Variants in SPEG observed in about 807,000 individuals in gnomAD.
SPEG encodes the protein striated muscle enriched protein kinase, also known as striated muscle preferentially expressed protein kinase.
Under a neutral mutation model 300.4 loss-of-function variants are expected in SPEG, and 114 were observed. The observed-to-expected ratio is 0.38, with a 90% CI of 0.33 to 0.44. The LOEUF (loss-of-function observed/expected upper bound fraction) is 0.44. Ranked by LOEUF, SPEG falls within the 20% of genes least tolerant of loss-of-function variation. SPEG has a pLI of 1.00. For synonymous variants in SPEG, 1,964 were observed against 2,018.9 expected (o/e 0.97, Z 0.73); for missense variants, 4,201 against 4,586.2 (o/e 0.92, Z 2.43).
chr2:219,478,473 T>C (rs996688297), intron 22 of SPEG, among the ~76,000 whole-genome samples: 2 of 152,274 alleles, frequency 1.3e-5, no homozygotes, highest in African/African-American at 4.8e-5. Context: ...ACATGGCCTA[T>C]GCTTTTCATC....
chr2:219,484,264 G>A lies in SPEG; in HGVS notation c.6801G>A (p.Ala2267=), dbSNP rs1693161104. 2.5e-6 allele frequency: 4 copies of A among 1,609,394 alleles called. No homozygotes were observed. Among genetic ancestry groups the A allele is most frequent in the Admixed American group, 1.7e-5 (1 of 59,944 alleles). The change falls in exon 30 of 41, where the codon GCG becomes GCA. Residue 2267 remains alanine (A), a synonymous_variant. Transcript: ENST00000312358. ...AGGGCCCCTCGCAGGGCCCTGCCGCGCCGCCTTCAGAGCCCAAGCCCCACG... is the reference window on the plus strand; with the variant it reads ...AGGGCCCCTCGCAGGGCCCTGCCGCACCGCCTTCAGAGCCCAAGCCCCACG... ...HAQGPSQGPA[A]PPSEPKPHAA...
intron 36 of SPEG, 116 bp from the exon 37 acceptor site, chr2:219,490,293 C>T (rs986816028): frequency 1.8e-5 from 25 of 1,412,200 alleles, no homozygotes; most frequent in Admixed American, 4.1e-5. Flanking sequence ...GGAGCCCACA[C>T]TGGAACCACT....
rs761394090 is a variant in SPEG, at chr2:219,484,984, G to A, written c.7521G>A (p.Pro2507=). The change falls in exon 30 of 41, where the codon CCG becomes CCA. Residue 2507 remains proline (P), a synonymous_variant. Transcript: ENST00000312358. ...AGAGTCTGCGGCGCCTTGGCCTTCC[G>A]CACAACCAGTTGGCCGCCCAGGCCG... ...EGESLRRLGL[P]HNQLAAQAGA... 6.5e-7 allele frequency: 1 copy of A among 1,530,888 alleles called. No homozygotes were observed. The highest frequency in any genetic ancestry group is 1.2e-5 in the South Asian group (1 of 83,798). 94.8% of individuals were successfully genotyped at this position (1,530,888 alleles called of 1,614,324 possible).
intron 38 of SPEG, 142 bp downstream of exon 38, chr2:219,491,098 A>G (rs1693930805): frequency 1.5e-6 from 1 of 670,674 alleles, no homozygotes; most frequent in East Asian, 2.7e-5. Flanking sequence ...ATGTGGATTG[A>G]TCTTTACAAT....
chr2:219,488,352 TG>T, intron 32 of SPEG, 42 bp downstream of exon 32: 1 of 1,551,412 alleles, frequency 6.4e-7, no homozygotes, highest in Non-Finnish European at 8.8e-7. Context: ...GGCCAGCAAG[TG>T]GCCCTGAGCC....
At chr2:219,457,846 G>A (rs1257603002) in intron 6 of SPEG, among the ~76,000 whole-genome samples, 4 of 152,270 alleles carry the variant, frequency 2.6e-5, no homozygotes, top group East Asian at 1.9e-4. Context: ...AAACTTTTCC[G>A]CATGCACTTT....
In SPEG at chr2:219,480,190, C is replaced by T. The variant is rs759797526; in HGVS notation, c.5342+50C>T. On this transcript the variant is annotated intron_variant, in intron 25 of 40. Coordinates refer to ENST00000312358, the MANE Select transcript of SPEG (RefSeq NM_005876.5). The surrounding 1 kb of genome is among the most constrained non-coding windows in gnomAD (Gnocchi z 5.3). ...CCGACCAGGGCAGCTGCCCTTGGGG[C>T]TGTGCTGGGGACGCGCTCACTGGCA... The T allele has an allele frequency of 5.0e-6, 8 of 1,590,344 alleles. No individual in the cohort carries two copies. Among genetic ancestry groups the T allele is most frequent in the Non-Finnish European group, 6.9e-6 (8 of 1,161,938 alleles).
At position 219,464,411 on chromosome 2, in the gene SPEG, T is replaced by G; in HGVS notation, c.2706-22T>G. 2 of 1,600,360 alleles carry G rather than the reference T, an allele frequency of 1.2e-6. No individual in the cohort carries two copies. The highest frequency in any genetic ancestry group is 1.7e-6 in the Non-Finnish European group (2 of 1,176,276). ...ACATCAGGCCCCTGGGCCCTGGGAC[T>G]GAGTTCTTGCCCCTCTGACAGGCTG... On this transcript the variant is annotated intron_variant, in intron 8 of 40. Transcript: ENST00000312358. This position sits in a 1 kb window ranked among gnomAD's most constrained non-coding sequence, Gnocchi z 4.5.
At chr2:219,460,516 C>T (rs1363130469) in intron 6 of SPEG, 11 of 985,308 alleles carry the variant, frequency 1.1e-5, no homozygotes, top group South Asian at 4.7e-5. Flanking sequence ...CTGTCTTGCT[C>T]GGGGACGGAG....
rs1689040672 is a variant in SPEG at position 219,443,039 on chromosome 2, G to A, written c.389-1614G>A. The A allele has an allele frequency of 1.5e-6, 2 of 1,315,294 alleles. No individual in the cohort carries two copies. The highest frequency in any genetic ancestry group is 1.1e-6 in the Non-Finnish European group (1 of 926,680). The allele number at this position is 1,315,294 out of a possible 1,614,324, so 81.5% of individuals were successfully genotyped here. ...GTTTCTGCTTGATGTTGCAGGTCTGGATGGGAGGCACAGGGACCTTAGGAA... is the reference window on the plus strand; with the variant it reads ...GTTTCTGCTTGATGTTGCAGGTCTGAATGGGAGGCACAGGGACCTTAGGAA... On this transcript the variant is annotated intron_variant, in intron 1 of 40. Transcript: ENST00000312358. The surrounding 1 kb of genome is among the most constrained non-coding windows in gnomAD (Gnocchi z 4.6).
At chr2:219,441,959 T>TCCCCAGCTCGCC (rs1435940005) in intron 1 of SPEG, 4 of 302,298 alleles carry the variant, frequency 1.3e-5, no homozygotes, top group Non-Finnish European at 2.3e-5. Context: ...TCCCGCCCGC[T>TCCCCAGCTCGCC]CCCCAGCTCG....
At position 219,480,644 on chromosome 2, in the gene SPEG, T is replaced by C; in HGVS notation, c.5343-27T>C. On this transcript the variant is annotated intron_variant, in intron 25 of 40. Coordinates refer to ENST00000312358, the MANE Select transcript of SPEG (RefSeq NM_005876.5). This position sits in a 1 kb window ranked among gnomAD's most constrained non-coding sequence, Gnocchi z 5.3. ...TTCCAGTCAGAGAGGGGCGGTCCTC[T>C]TACCTATCACTCTCCTTTTCCCACA... 1 of 1,613,552 alleles carries C rather than the reference T, an allele frequency of 6.2e-7. No homozygotes were observed. Among genetic ancestry groups the C allele is most frequent in the East Asian group, 2.2e-5 (1 of 44,864 alleles).
At position 219,469,374 on chromosome 2, in the gene SPEG, C is replaced by T; in HGVS notation, c.3710C>T (p.Thr1237Ile). The change falls in exon 13 of 41, where the codon ACA becomes ATA. Residue 1237 changes from threonine to isoleucine, a missense_variant. By Grantham distance (89) the Thr-to-Ile change is moderately conservative. Transcript: ENST00000312358. ...RIQSSDDRRM[T>I]QYRDVHRLVF... ...CAGAGCAGCGACGACCGGCGCATGACACAGTGTACGTGTCTGGGAAGTTCC... is the reference window on the plus strand; with the variant it reads ...CAGAGCAGCGACGACCGGCGCATGATACAGTGTACGTGTCTGGGAAGTTCC... 1 of 1,612,954 alleles carries T rather than the reference C, an allele frequency of 6.2e-7. No homozygotes were observed. Among genetic ancestry groups the T allele is most frequent in the Non-Finnish European group, 8.5e-7 (1 of 1,179,504 alleles).
At chr2:219,482,467 A>G in intron 28 of SPEG, 1 of 326,678 alleles carries the variant, frequency 3.1e-6, no homozygotes, top group Non-Finnish European at 5.7e-6. Flanking sequence ...GCCTAAGATC[A>G]CAGGCCTCCC....
Position 219,484,336 on chromosome 2 carries a change from G to C in SPEG, c.6873G>C (p.Glu2291Asp). The change falls in exon 30 of 41, where the codon GAG (glutamate) becomes GAC (aspartate). Residue 2291 changes from glutamate to aspartate, a missense_variant. Around this residue, in one of 4 missense-constraint regions of SPEG, gnomAD observed 1,578 missense variants for 1,506.0 expected, o/e 1.05. Coordinates refer to ENST00000312358, the MANE Select transcript of SPEG (RefSeq NM_005876.5). Reference protein sequence around the residue: ...RVASPPPGAPEKRVPSAGGPP... With the variant: ...RVASPPPGAPDKRVPSAGGPP... Reference sequence around the variant, plus strand: ...CCTCCCCACCTCCGGGAGCCCCCGAGAAGCGCGTGCCCTCAGCCGGGGGTC... The same window carrying C: ...CCTCCCCACCTCCGGGAGCCCCCGACAAGCGCGTGCCCTCAGCCGGGGGTC... The C allele has an allele frequency of 6.2e-7, 1 of 1,604,376 alleles. No homozygotes were observed. Among genetic ancestry groups the C allele is most frequent in the Non-Finnish European group, 8.5e-7 (1 of 1,178,590 alleles).
chr2:219,462,107 T>G lies in SPEG; in HGVS notation c.2616+50T>G, dbSNP rs1366757610. The G allele has an allele frequency of 9.0e-6, 13 of 1,448,630 alleles. No individual in the cohort carries two copies. In the South Asian group the frequency reaches 1.7e-4, roughly 19 times the overall value. 89.7% of individuals were successfully genotyped at this position (1,448,630 alleles called of 1,614,324 possible). On this transcript the variant is annotated intron_variant, in intron 7 of 40. Coordinates refer to ENST00000312358, the MANE Select transcript of SPEG (RefSeq NM_005876.5). ...AGCCTCCTGTGTGCCCCCGTTCCTTTGGGTGCCCCCTTGTTCTTGGGGCCA... is the reference window on the plus strand; with the variant it reads ...AGCCTCCTGTGTGCCCCCGTTCCTTGGGGTGCCCCCTTGTTCTTGGGGCCA...
At chr2:219,474,744 C>T (rs13002079) in intron 18 of SPEG, among the ~76,000 whole-genome samples, 80,104 of 151,488 alleles carry the variant, frequency 0.53, 23,921 homozygotes, top group East Asian at 0.77. Context: ...GGCCGCCCTT[C>T]GGCACAAGCC....
chr2:219,474,045 A>C, intron 18 of SPEG, 142 bp downstream of exon 18: 3 of 758,604 alleles, frequency 4.0e-6, no homozygotes, highest in Non-Finnish European at 6.2e-6. Flanking sequence ...TCATGGCTAT[A>C]CAAATACCAT....
chr2:219,467,268 G>A lies in SPEG; in HGVS notation c.2976G>A (p.Ala992=), dbSNP rs568360621. The A allele has an allele frequency of 1.7e-5, 28 of 1,608,574 alleles. No individual in the cohort carries two copies. The highest frequency in any genetic ancestry group is 1.6e-4 in the African/African-American group (12 of 75,040). The stretch of plus-strand genomic sequence containing the variant: ...TGGCGCTGTTTGAGTGCCTGGTGGC[G>A]GGGCCCACTGACGTGGAGGTGGATT... The part of the protein sequence containing the change: ...GEMALFECLV[A]GPTDVEVDWL... The change falls in exon 10 of 41, where the codon GCG becomes GCA. Residue 992 remains alanine, a synonymous_variant. Coordinates refer to ENST00000312358, the MANE Select transcript of SPEG (RefSeq NM_005876.5).
Sources: allele counts gnomAD v4.1 joint callset (sites outside exome capture counted in the v4.1 genomes callset), GRCh38; gene constraint gnomAD v4.1.1; regional missense constraint gnomAD v4.1.1; non-coding constraint Gnocchi (gnomAD v3.1); transcripts MANE v1.5; gene names NCBI Gene and HGNC (gene_info 2026-07-23, HGNC 2026-07-21).